The following UPF3A variants were observed in gnomAD, a reference collection of about 807,000 sequenced individuals.
The protein encoded by UPF3A is UPF3A regulator of nonsense mediated mRNA decay.
A neutral mutation model predicts 53.5 loss-of-function variants in UPF3A; 42 were observed. The observed-to-expected ratio is 0.78, with a 90% CI of 0.61 to 1.01. The LOEUF (loss-of-function observed/expected upper bound fraction) is 1.01. Among genes scored for constraint, UPF3A ranks in the 50% least tolerant of loss-of-function variants. The pLI, the probability that UPF3A is intolerant of heterozygous loss-of-function variation, is 0.00. For synonymous variants in UPF3A, 237 were observed against 225.3 expected (o/e 1.05, Z -0.47); for missense variants, 575 against 598.0 (o/e 0.96, Z 0.40).
At chr13:114,292,760 T>A (rs987504493) in intron 7 of UPF3A, among the ~76,000 whole-genome samples, 2 of 152,166 alleles carry the variant, frequency 1.3e-5, no homozygotes, top group South Asian at 2.1e-4. Flanking sequence ...CTGATGTTTT[T>A]CAGTCTTCAC....
At position 114,281,824 on chromosome 13, in the gene UPF3A, A is replaced by G; in HGVS notation, c.185A>G (p.Glu62Gly). ...CGGGAGKPRE[E>G]KRTALSKVVI... ...GGCGGTGCGGGCAAACCTCGCGAGG[A>G]GAAGAGGACGGCCCTGAGCAAGGTG... The change falls in exon 1 of 10, where the codon GAG becomes GGG. Residue 62 changes from glutamate (E) to glycine (G), a missense_variant. By Grantham distance (98) the Glu-to-Gly change is moderately conservative. Coordinates refer to ENST00000375299, the MANE Select transcript of UPF3A (RefSeq NM_023011.4). The G allele has an allele frequency of 6.5e-7, 1 of 1,535,612 alleles. No individual in the cohort carries two copies. The highest frequency in any genetic ancestry group is 8.8e-7 in the Non-Finnish European group (1 of 1,139,358).
At position 114,305,644 on chromosome 13, in the gene UPF3A, A is replaced by G. The variant is rs886140864; in HGVS notation, c.*727A>G. 25 of 152,450 alleles carry G rather than the reference A, an allele frequency of 1.6e-4. No homozygotes were observed. Among genetic ancestry groups the G allele is most frequent in the African/African-American group, 6.0e-4 (25 of 41,440 alleles). 9.4% of individuals were successfully genotyped at this position (152,450 alleles called of 1,614,324 possible). A position where few individuals can be genotyped will look rare whatever the true frequency, so the allele number is the denominator to read the frequency against. ...AAGGGATAAACTAGATATAGCATAC[A>G]GAGCCTGTTTTTGAGTTTTAGATAC... On this transcript the variant is annotated 3_prime_UTR_variant, in exon 10 of 10. Transcript: ENST00000375299.
rs1434080402 is a variant in UPF3A, at chr13:114,282,909, TC to T, written c.388del (p.Arg130ValfsTer13). On this transcript the variant is annotated frameshift_variant, in exon 3 of 10. Transcript: ENST00000375299. LOFTEE classifies it high-confidence loss of function. ...CTGATGACATCCTTCTTTTTAGAGA[TC>T]GTTTTGATGGATATATCTTCCTTGA... Reference protein sequence around the residue: ...NPDDILLFRDRFDGYIFLDSK... With the variant: ...NPDDILLFRDXFDGYIFLDSK... The T allele has an allele frequency of 1.2e-6, 2 of 1,612,192 alleles. No homozygotes were observed. Among genetic ancestry groups the T allele is most frequent in the East Asian group, 4.5e-5 (2 of 44,850 alleles).
In UPF3A at chr13:114,302,058, T is replaced by C. The variant is rs2086656841; in HGVS notation, c.1302+33T>C. 10 of 1,498,316 alleles carry C rather than the reference T, an allele frequency of 6.7e-6. No homozygotes were observed. In the East Asian group the frequency reaches 2.3e-4, roughly 34 times the overall value. 92.8% of individuals were successfully genotyped at this position (1,498,316 alleles called of 1,614,324 possible). A position where few individuals can be genotyped will look rare whatever the true frequency, so the allele number is the denominator to read the frequency against. On this transcript the variant is annotated intron_variant, in intron 9 of 9. Coordinates refer to ENST00000375299, the MANE Select transcript of UPF3A (RefSeq NM_023011.4). ...TTAAACCCAAAAAGAAAAATGTGTCTGGCTGTCTTAAGGTCCAGGCTGCAT... is the reference window on the plus strand; with the variant it reads ...TTAAACCCAAAAAGAAAAATGTGTCCGGCTGTCTTAAGGTCCAGGCTGCAT...
At chr13:114,299,261 C>T (rs1216531848) in intron 8 of UPF3A, among the ~76,000 whole-genome samples, 1 of 152,166 alleles carries the variant, frequency 6.6e-6, no homozygotes, top group Non-Finnish European at 1.5e-5. Context: ...TCCTTTTACT[C>T]CTGAGCCGCC....
At position 114,281,840 on chromosome 13, in the gene UPF3A, G is replaced by A. The variant is rs535893195; in HGVS notation, c.201G>A (p.Leu67=). Residue 67 remains leucine (L), a synonymous_variant, in exon 1 of 10, where the codon CTG becomes CTA. Coordinates refer to ENST00000375299, the MANE Select transcript of UPF3A (RefSeq NM_023011.4). The part of the protein sequence containing the change: ...GKPREEKRTA[L]SKVVIRRLPP... ...CTCGCGAGGAGAAGAGGACGGCCCT[G>A]AGCAAGGTGGGGACGGGGGCGGGGC... is the stretch of plus-strand genomic sequence containing the variant. 8.5e-6 allele frequency: 13 copies of A among 1,537,762 alleles called. No homozygotes were observed. Among genetic ancestry groups the A allele is most frequent in the East Asian group, 2.5e-5 (1 of 40,776 alleles).
intron 7 of UPF3A, among the ~76,000 whole-genome samples, chr13:114,293,848 A>G (rs749419636): frequency 2.0e-5 from 3 of 152,120 alleles, no homozygotes; most frequent in Admixed American, 1.3e-4. Context: ...TTGGCTGGGT[A>G]TGATGGCTCA....
chr13:114,282,137 G>C lies in UPF3A; in HGVS notation c.314+10G>C, dbSNP rs767376939. 4.5e-6 allele frequency: 7 copies of C among 1,544,388 alleles called. No homozygotes were observed. The East Asian group carries it at 1.2e-4, about 27-fold the overall frequency. On this transcript the variant is annotated intron_variant, in intron 2 of 9. Coordinates refer to ENST00000375299, the MANE Select transcript of UPF3A (RefSeq NM_023011.4). ...TCGCCGCCGACCTGAGGTGAGGCCC[G>C]CCCCGAGGGGAGGAAGAGAGGGCGG...
intron 7 of UPF3A, 124 bp downstream of exon 7, chr13:114,291,916 T>A: frequency 7.9e-7 from 1 of 1,263,628 alleles, no homozygotes; most frequent in African/African-American, 1.5e-5. Context: ...TGTGTTGTTA[T>A]TTTTTTCCAT....
intron 3 of UPF3A, chr13:114,284,170 T>A: frequency 1.6e-6 from 1 of 633,568 alleles, no homozygotes; most frequent in East Asian, 1.4e-4. Flanking sequence ...GAGACCGGCC[T>A]GAGCAACAAC....
intron 2 of UPF3A, chr13:114,282,404 C>A: frequency 1.7e-6 from 2 of 1,206,620 alleles, no homozygotes; most frequent in Non-Finnish European, 2.1e-6. Flanking sequence ...CGTTGCCCGC[C>A]CGGCGCCTCC....
rs774836589 is a variant in UPF3A at position 114,296,298 on chromosome 13, G to A, written c.847-2542G>A. Among the ~76,000 whole-genome samples, 20 of 152,122 alleles carry A rather than the reference G, an allele frequency of 1.3e-4. 1 individual carries two copies. The highest frequency in any genetic ancestry group is 2.2e-4 in the African/African-American group (9 of 41,430). On this transcript the variant is annotated intron_variant, in intron 7 of 9. Coordinates refer to ENST00000375299, the MANE Select transcript of UPF3A (RefSeq NM_023011.4). ...CTCAGGAGGCTGAGGCAGAAGAATC[G>A]CTTGAACCCAGGAGGCGAAGGTACA...
intron 2 of UPF3A, 100 bp downstream of exon 2, chr13:114,282,227 A>T: frequency 1.0e-6 from 1 of 983,842 alleles, no homozygotes; most frequent in Non-Finnish European, 1.5e-6. Flanking sequence ...TTTCTCCTAT[A>T]TGGGAGTCGT....
In UPF3A at chr13:114,281,681, C is replaced by T. The variant is rs765725208; in HGVS notation, c.42C>T (p.Ala14=). ...EKEGAGGLRA[A]VAARGPSGRE... ...AGGGGGCCGGAGGCCTTCGGGCGGC[C>T]GTTGCCGCGCGGGGCCCGAGCGGGA... Residue 14 remains alanine, a synonymous_variant, in exon 1 of 10, where the codon GCC becomes GCT. Transcript: ENST00000375299. 144 of 1,533,852 alleles carry T rather than the reference C, an allele frequency of 9.4e-5. 1 individual carries two copies. The highest frequency in any genetic ancestry group is 4.7e-4 in the South Asian group (39 of 82,854).
At chr13:114,292,332 T>C (rs1055311294) in intron 7 of UPF3A, among the ~76,000 whole-genome samples, 4 of 149,668 alleles carry the variant, frequency 2.7e-5, no homozygotes, top group Admixed American at 6.7e-5. Context: ...TGCAGATGTG[T>C]CACATGTTCA....
At chr13:114,297,235 T>C (rs79550434) in intron 7 of UPF3A, among the ~76,000 whole-genome samples, 1 of 152,020 alleles carries the variant, frequency 6.6e-6, no homozygotes, top group East Asian at 1.9e-4. Context: ...TTTTTTTTTT[T>C]TCTCCCTTTT....
chr13:114,295,740 A>T (rs887188199), intron 7 of UPF3A, among the ~76,000 whole-genome samples: 7 of 152,156 alleles, frequency 4.6e-5, no homozygotes, highest in Non-Finnish European at 8.8e-5. Context: ...CAGGTGGTGC[A>T]TCAGGCGCAA....
At chr13:114,302,773 G>A (rs2086706060) in intron 9 of UPF3A, among the ~76,000 whole-genome samples, 2 of 152,214 alleles carry the variant, frequency 1.3e-5, no homozygotes, top group Non-Finnish European at 1.5e-5. Flanking sequence ...GATCCTTCCA[G>A]GTTGTTGTGT....
intron 3 of UPF3A, chr13:114,284,237 C>A (rs1025755141): frequency 1.0e-5 from 2 of 196,738 alleles, no homozygotes; most frequent in African/African-American, 4.7e-5. Context: ...TGGCAGGCGC[C>A]TGTAGTCCCA....
Sources: allele counts gnomAD v4.1 joint callset (sites outside exome capture counted in the v4.1 genomes callset), GRCh38; gene constraint gnomAD v4.1.1; transcripts MANE v1.5; gene names NCBI Gene and HGNC (gene_info 2026-07-23, HGNC 2026-07-21).